Variants in RBM26 observed in about 807,000 individuals in gnomAD.
The protein encoded by RBM26 is RNA-binding protein 26.
In RBM26, 30 loss-of-function variants were observed where a neutral mutation model predicts 123.6. That is an observed-to-expected ratio of 0.24 (90% CI 0.18 to 0.33). The LOEUF (loss-of-function observed/expected upper bound fraction) is 0.33, where lower values mean the gene tolerates loss of function less well. Among genes scored for constraint, RBM26 ranks in the 10% least tolerant of loss-of-function variants. The pLI is 1.00. For missense variants in RBM26, 947 were observed against 1,203.6 expected (o/e 0.79, Z 3.15); for synonymous variants, 400 against 404.4 (o/e 0.99, Z 0.13).
intron 20 of RBM26, among the ~76,000 whole-genome samples, chr13:79,328,437 C>A: frequency 6.6e-6 from 1 of 150,408 alleles, no homozygotes. Flanking sequence ...AAATAAGTTC[C>A]ACGTAAATTT....
chr13:79,324,703 CTATT>C (rs1368268819), intron 20 of RBM26, among the ~76,000 whole-genome samples: 1 of 151,170 alleles, frequency 6.6e-6, no homozygotes, highest in Non-Finnish European at 1.5e-5. Context: ...AATATTAAGA[CTATT>C]TTTTTTAAAT....
At position 79,320,594 on chromosome 13, in the gene RBM26, G is replaced by T; in HGVS notation, c.*27C>A. The T allele has an allele frequency of 6.4e-7, 1 of 1,564,208 alleles. No individual in the cohort carries two copies. The highest frequency in any genetic ancestry group is 8.6e-7 in the Non-Finnish European group (1 of 1,159,282). On this transcript the variant is annotated 3_prime_UTR_variant, in exon 22 of 22. Transcript: ENST00000438737. ...CTAATGAAACACAGGTAGAGTTCTA[G>T]CATATGCAGATCAATGATCAGTCAA...
chr13:79,366,955 T>A (rs1472251740), intron 6 of RBM26, 83 bp from the exon 7 acceptor site: 35 of 1,177,284 alleles, frequency 3.0e-5, no homozygotes, highest in Non-Finnish European at 3.8e-5. Flanking sequence ...GTAAAATATT[T>A]AAAAATATGA....
chr13:79,312,040 AT>A (rs2066911110), exon 5 of RBM26: 1 of 152,044 alleles, frequency 6.6e-6, no homozygotes, highest in African/African-American at 2.4e-5. Context: ...CTTTAAAAAA[AT>A]AAACAAAAAA....
intron 3 of RBM26, among the ~76,000 whole-genome samples, chr13:79,375,174 TA>T (rs1306806040): frequency 1.5e-5 from 2 of 135,316 alleles, no homozygotes; most frequent in Non-Finnish European, 3.1e-5. Context: ...ATATTATATA[TA>T]TATATTTTTT....
intron 14 of RBM26, among the ~76,000 whole-genome samples, chr13:79,351,008 C>T (rs1300446554): frequency 2.0e-5 from 3 of 152,136 alleles, no homozygotes; most frequent in African/African-American, 7.2e-5. Flanking sequence ...AGCTTGCTAC[C>T]ATAAATGATT....
chr13:79,354,182 A>C (rs2073671887), intron 13 of RBM26, among the ~76,000 whole-genome samples: 1 of 152,132 alleles, frequency 6.6e-6, no homozygotes. Flanking sequence ...AAAGTGAGAG[A>C]GAAATCTTTC....
chr13:79,320,745 A>C, intron 21 of RBM26, 35 bp from the exon 22 acceptor site: 3 of 1,300,816 alleles, frequency 2.3e-6, no homozygotes, highest in Non-Finnish European at 3.1e-6. Flanking sequence ...ATTTACCCAA[A>C]AAAAAAAAAA....
At chr13:79,390,978 T>C (rs2077922776) in intron 1 of RBM26, among the ~76,000 whole-genome samples, 1 of 152,212 alleles carries the variant, frequency 6.6e-6, no homozygotes, top group South Asian at 2.1e-4. Flanking sequence ...TATTTAAGGT[T>C]GCATCTCAAA....
chr13:79,377,213 C>A (rs906209926), intron 3 of RBM26, 166 bp downstream of exon 3: 26 of 544,270 alleles, frequency 4.8e-5, no homozygotes, highest in Non-Finnish European at 6.8e-5. Context: ...AAGCCAGGGC[C>A]ATAAGCACAA....
At position 79,359,703 on chromosome 13, in the gene RBM26, G is replaced by T; in HGVS notation, c.1418-17C>A. 4 of 1,374,244 alleles carry T rather than the reference G, an allele frequency of 2.9e-6. No homozygotes were observed. The highest frequency in any genetic ancestry group is 4.0e-6 in the Non-Finnish European group (4 of 1,011,760). The allele number at this position is 1,374,244 out of a possible 1,614,324, so 85.1% of individuals were successfully genotyped here. On this transcript the variant is annotated splice_polypyrimidine_tract_variant and intron_variant, in intron 9 of 21. Coordinates refer to ENST00000438737, the MANE Select transcript of RBM26 (RefSeq NM_001366735.2). ...GAGGCTTTTCTGTTTTAAAACAAAA[G>T]AAAATGAAAAAAATAAGCATAGGTT...
At chr13:79,399,000 G>C (rs1029368019) in intron 1 of RBM26, among the ~76,000 whole-genome samples, 6 of 152,190 alleles carry the variant, frequency 3.9e-5, no homozygotes, top group African/African-American at 1.4e-4. Flanking sequence ...AAGAGCTGGA[G>C]TCTGCTTTCA....
intron 20 of RBM26, among the ~76,000 whole-genome samples, chr13:79,331,684 A>AT (rs1288029186): frequency 6.6e-6 from 1 of 152,012 alleles, no homozygotes; most frequent in Non-Finnish European, 1.5e-5. Context: ...TATAGGTTTC[A>AT]TTTTTGTTCT....
chr13:79,394,553 C>A (rs796808409), intron 1 of RBM26, among the ~76,000 whole-genome samples: 8 of 152,298 alleles, frequency 5.3e-5, no homozygotes, highest in African/African-American at 1.9e-4. Context: ...CTATTCCGTG[C>A]CTTTCTCAAC....
rs1420729215 is a variant in RBM26, at chr13:79,405,761, AT to A, written c.13del (p.Met5Ter). On this transcript the variant is annotated frameshift_variant, in exon 1 of 22. Transcript: ENST00000438737. LOFTEE classifies it high-confidence loss of function. Reference sequence around the variant, plus strand: ...GAGTGCCTCGAAGTTTTCAATGATCATTTTAGAAACCATCCACAGCGGCCCT... The same window carrying A: ...GAGTGCCTCGAAGTTTTCAATGATCATTTAGAAACCATCCACAGCGGCCCT... MVSK[M>X]IIENFEALKS... 1.3e-6 allele frequency: 2 copies of A among 1,597,562 alleles called. No homozygotes were observed. The highest frequency in any genetic ancestry group is 2.2e-5 in the South Asian group (2 of 89,724).
chr13:79,328,683 T>TAAAAAAAAAAAAAA (rs747906560), intron 20 of RBM26, among the ~76,000 whole-genome samples: 1 of 38,480 alleles, frequency 2.6e-5, no homozygotes, highest in African/African-American at 1.1e-4. Flanking sequence ...CTGCATTAAG[T>TAAAAAAAAAAAAAA]AAAAAAAAAA....
intron 20 of RBM26, among the ~76,000 whole-genome samples, chr13:79,327,295 CAAAAA>C (rs5805024): frequency 8.1e-6 from 1 of 123,038 alleles, no homozygotes; most frequent in Admixed American, 8.2e-5. Context: ...GAACCTGTCT[CAAAAA>C]AAAAAAAAAA....
At chr13:79,366,562 G>T (rs1367702820) in intron 7 of RBM26, 71 bp downstream of exon 7, 4 of 1,410,500 alleles carry the variant, frequency 2.8e-6, no homozygotes, top group Non-Finnish European at 3.8e-6. Context: ...TTTAATTTAA[G>T]AATCTATTAA....
At chr13:79,317,967 G>T (rs2067298681), downstream of RBM26, among the ~76,000 whole-genome samples, 1 of 151,558 alleles carries the variant, frequency 6.6e-6, no homozygotes, top group South Asian at 2.1e-4. Context: ...AAGCACTAAA[G>T]ATAAAATGAT....
Sources: allele counts gnomAD v4.1 joint callset (sites outside exome capture counted in the v4.1 genomes callset), GRCh38; gene constraint gnomAD v4.1.1; transcripts MANE v1.5; gene names NCBI Gene and HGNC (gene_info 2026-07-23, HGNC 2026-07-21).